Variants in DDX60 observed in about 807,000 individuals in gnomAD.
DDX60 encodes DExD/H-box helicase 60, also known as probable ATP-dependent RNA helicase DDX60.
In DDX60, 165 loss-of-function variants were observed where a neutral mutation model predicts 212.8. That is an observed-to-expected ratio of 0.78 (90% CI 0.68 to 0.88). DDX60 has a LOEUF of 0.88. Ranked by LOEUF, DDX60 falls within the 40% of genes least tolerant of loss-of-function variation. The probability of loss-of-function intolerance (pLI) is 0.00; values close to 1 mark genes in which losing one functional copy is unlikely to be tolerated. For missense variants in DDX60, 1,905 were observed against 2,003.9 expected, an observed-to-expected ratio of 0.95 and a Z score of 0.94; for synonymous variants, 703 against 685.3, an observed-to-expected ratio of 1.03 and a Z score of -0.40.
intron 5 of DDX60, among the ~76,000 whole-genome samples, chr4:168,305,120 T>C (rs1305686458): frequency 3.3e-5 from 5 of 152,248 alleles, no homozygotes; most frequent in African/African-American, 1.2e-4. Flanking sequence ...GAGTACTCAA[T>C]ACAGTAACAT....
chr4:168,319,652 C>G (rs1737553319), upstream of DDX60, among the ~76,000 whole-genome samples: 1 of 152,168 alleles, frequency 6.6e-6, no homozygotes, highest in African/African-American at 2.4e-5. Context: ...GGTTTCGATA[C>G]TCATCTCCTT....
chr4:168,310,339 A>G (rs1361837370), intron 3 of DDX60, among the ~76,000 whole-genome samples: 1 of 152,184 alleles, frequency 6.6e-6, no homozygotes, highest in Non-Finnish European at 1.5e-5. Context: ...ACAGAACATC[A>G]TGGAAGTCTG....
Position 168,280,399 on chromosome 4 carries a change from C to A in DDX60, c.1914G>T (p.Gln638His). 6 of 1,614,148 alleles carry A rather than the reference C, an allele frequency of 3.7e-6. No individual in the cohort carries two copies. The highest frequency in any genetic ancestry group is 5.1e-6 in the Non-Finnish European group (6 of 1,180,012). ...KSCKSSCVKL[Q>H]VEMVGLTACL... ...AAGCAGTTAACCCCACCATTTCAACCTGAAGTTTCACACAGCTACTTTTAC... is the reference window on the plus strand; with the variant it reads ...AAGCAGTTAACCCCACCATTTCAACATGAAGTTTCACACAGCTACTTTTAC... Residue 638 changes from glutamine (Q) to histidine (H), a missense_variant, in exon 14 of 38, where the codon CAG becomes CAT. Coordinates refer to ENST00000393743, the MANE Select transcript of DDX60 (RefSeq NM_017631.6).
At chr4:168,323,846 C>CA (rs1390728052), upstream of DDX60, among the ~76,000 whole-genome samples, 2 of 152,300 alleles carry the variant, frequency 1.3e-5, no homozygotes, top group Admixed American at 1.3e-4. Context: ...AGATGACTTT[C>CA]AAAGTTTAGC....
chr4:168,253,921 G>A (rs1228914620), intron 26 of DDX60, among the ~76,000 whole-genome samples: 1 of 152,108 alleles, frequency 6.6e-6, no homozygotes, highest in East Asian at 1.9e-4. Flanking sequence ...TCTCTTAGCT[G>A]TGCACGGAAG....
At chr4:168,286,033 G>A (rs1735831132) in intron 10 of DDX60, among the ~76,000 whole-genome samples, 1 of 140,678 alleles carries the variant, frequency 7.1e-6, no homozygotes, top group Non-Finnish European at 1.5e-5. Context: ...GAGGGAGGAA[G>A]GAAGGAAAGA....
the DDX60 span, among the ~76,000 whole-genome samples, chr4:168,324,451 G>A: frequency 1.3e-5 from 2 of 152,196 alleles, no homozygotes; most frequent in African/African-American, 4.8e-5. Context: ...CACTAACAGA[G>A]ATGCCTGCCC....
At chr4:168,273,814 G>T in intron 17 of DDX60, 120 bp downstream of exon 17, 2 of 1,197,840 alleles carry the variant, frequency 1.7e-6, no homozygotes, top group Non-Finnish European at 2.3e-6. Flanking sequence ...TTCAGACACT[G>T]AAACAAGAAA....
chr4:168,306,790 C>T, intron 4 of DDX60, 70 bp from the exon 5 acceptor site: 1 of 1,161,706 alleles, frequency 8.6e-7, no homozygotes, highest in Non-Finnish European at 1.2e-6. Flanking sequence ...GCTAACACAT[C>T]ATTAAAGGCA....
At chr4:168,287,295 T>A in intron 9 of DDX60, 92 bp from the exon 10 acceptor site, 1 of 1,213,328 alleles carries the variant, frequency 8.2e-7, no homozygotes, top group Admixed American at 2.3e-5. Context: ...CATGGAATTC[T>A]GAAATACTTT....
intron 33 of DDX60, among the ~76,000 whole-genome samples, chr4:168,234,086 T>C (rs573063124): frequency 3.3e-5 from 5 of 152,238 alleles, no homozygotes; most frequent in African/African-American, 1.2e-4. Flanking sequence ...AAAAGAAATC[T>C]AGCATTCTCA....
rs150529525 is a variant in DDX60 at position 168,229,066 on chromosome 4, G to A, written c.4534-3390C>T. Among the ~76,000 whole-genome samples the A allele has an allele frequency of 5.9e-4, 90 of 152,140 alleles. No individual in the cohort carries two copies. In the East Asian group the frequency reaches 0.012, roughly 21 times the overall value. On this transcript the variant is annotated intron_variant, in intron 33 of 37. Coordinates refer to ENST00000393743, the MANE Select transcript of DDX60 (RefSeq NM_017631.6). Reference sequence around the variant, plus strand: ...CACTCAGACAGACAGATCAGCATGTGGAGACTCACACCATGAACTTTTGCT... The same window carrying A: ...CACTCAGACAGACAGATCAGCATGTAGAGACTCACACCATGAACTTTTGCT...
At chr4:168,225,083 A>G (rs1009228399) in intron 34 of DDX60, among the ~76,000 whole-genome samples, 1 of 152,064 alleles carries the variant, frequency 6.6e-6, no homozygotes, top group African/African-American at 2.4e-5. Context: ...TCCCTTTCTC[A>G]TATATCTGTT....
Position 168,306,405 on chromosome 4 carries a change from A to T in DDX60, c.580T>A (p.Tyr194Asn). ...CLYAYLLPSMYRHQIFSWKNK... is the reference protein window; with the variant it reads ...CLYAYLLPSMNRHQIFSWKNK... ...TTCCAGGAAAAAATCTGGTGTCTGT[A>T]CATGCTTGGAAGAAGGTATGCATAA... Residue 194 changes from tyrosine to asparagine, a missense_variant, in exon 5 of 38, where the codon TAC becomes AAC. By Grantham distance (143) the Tyr-to-Asn change is moderately radical. Transcript: ENST00000393743. 1 of 1,613,186 alleles carries T rather than the reference A, an allele frequency of 6.2e-7. No individual in the cohort carries two copies. Among genetic ancestry groups the T allele is most frequent in the Non-Finnish European group, 8.5e-7 (1 of 1,179,370 alleles).
intron 6 of DDX60, among the ~76,000 whole-genome samples, chr4:168,299,294 T>A (rs1313687176): frequency 6.6e-6 from 1 of 151,110 alleles, no homozygotes; most frequent in Non-Finnish European, 1.5e-5. Flanking sequence ...TGACAAAAAA[T>A]TTACAGCATA....
At position 168,260,918 on chromosome 4, in the gene DDX60, T is replaced by C; in HGVS notation, c.3345A>G (p.Pro1115=). The change falls in exon 25 of 38, where the codon CCA becomes CCG. Residue 1115 remains proline (P), a synonymous_variant. Coordinates refer to ENST00000393743, the MANE Select transcript of DDX60 (RefSeq NM_017631.6). The stretch of plus-strand genomic sequence containing the variant: ...TTTTCCTTAGTTTTTCAACTAGAAG[T>C]GGAAACATGGTGATCATGTTTTCTG... ...LSPENMITMF[P]LLVEKLRKME... is the part of the protein sequence containing the mutation. The C allele has an allele frequency of 2.5e-6, 4 of 1,610,188 alleles. No homozygotes were observed. The East Asian group carries it at 6.7e-5, about 27-fold the overall frequency.
At chr4:168,239,467 A>AT (rs777408233) in intron 30 of DDX60, among the ~76,000 whole-genome samples, 79 of 152,280 alleles carry the variant, frequency 5.2e-4, no homozygotes, top group Admixed American at 8.5e-4. Context: ...AGATAGATCA[A>AT]TGTAGATAGA....
At position 168,283,498 on chromosome 4, in the gene DDX60, T is replaced by G. The variant is rs199508843; in HGVS notation, c.1670A>C (p.Gln557Pro). The G allele has an allele frequency of 5.6e-6, 9 of 1,613,516 alleles. No individual in the cohort carries two copies. The highest frequency in any genetic ancestry group is 5.9e-6 in the Non-Finnish European group (7 of 1,179,726). ...AAAATCCTTCTTTGACTTAATAGTT[T>G]GAGTCACGATGATTTTCGAAGAGAC... ...ETVSSKIIVT[Q>P]TIKSKKDFSG... The change falls in exon 13 of 38, where the codon CAA becomes CCA. Residue 557 changes from glutamine (Q) to proline (P), a missense_variant. Transcript: ENST00000393743.
intron 1 of DDX60, among the ~76,000 whole-genome samples, chr4:168,317,788 C>A (rs933853401): frequency 5.3e-5 from 8 of 152,282 alleles, no homozygotes; most frequent in Admixed American, 5.2e-4. Context: ...TATAAGCCAC[C>A]TTGTTGTGAG....
Sources: gnomAD v4.1 joint callset for allele counts (sites outside exome capture counted in the v4.1 genomes callset) on GRCh38, gnomAD v4.1.1 for gene constraint, MANE v1.5 for transcripts, NCBI Gene and HGNC (gene_info 2026-07-23, HGNC 2026-07-21) for gene names.